Variants in AKT3 observed in about 807,000 individuals in gnomAD.
AKT3 encodes RAC-gamma serine/threonine-protein kinase.
Under a neutral mutation model 65.3 loss-of-function variants are expected in AKT3, and 15 were observed. That is an observed-to-expected ratio of 0.23 (90% CI 0.15 to 0.35). The LOEUF (loss-of-function observed/expected upper bound fraction) is 0.35. AKT3 is among the 10% of genes least tolerant of loss of function. The pLI is 1.00. For synonymous variants in AKT3, 206 were observed against 183.8 expected, an observed-to-expected ratio of 1.12 and a Z score of -0.98; for missense variants, 243 against 576.5, an observed-to-expected ratio of 0.42 and a Z score of 5.92.
At chr1:243,649,297 AAT>A (rs1353326290) in intron 4 of AKT3, among the ~76,000 whole-genome samples, 1 of 145,504 alleles carries the variant, frequency 6.9e-6, no homozygotes, top group African/African-American at 2.5e-5. Context: ...TATGACCAAG[AAT>A]ATGTTATGTG....
chr1:243,551,061 T>C (rs1435809762), intron 11 of AKT3, among the ~76,000 whole-genome samples: 1 of 147,228 alleles, frequency 6.8e-6, no homozygotes, highest in Non-Finnish European at 1.5e-5. Flanking sequence ...AAGAACGCTA[T>C]CAAACGGAAC....
intron 2 of AKT3, among the ~76,000 whole-genome samples, chr1:243,819,061 C>G (rs1693701663): frequency 6.6e-6 from 1 of 152,260 alleles, no homozygotes; most frequent in Admixed American, 6.5e-5. Context: ...GCCACCAGGG[C>G]CTTGCGTGCC....
chr1:243,597,320 A>G (rs965176297), intron 8 of AKT3, among the ~76,000 whole-genome samples: 6 of 152,252 alleles, frequency 3.9e-5, no homozygotes, highest in African/African-American at 1.2e-4. Flanking sequence ...AACAAGTAAC[A>G]TATTTTAAAA....
At chr1:243,807,367 C>T (rs534118597) in intron 2 of AKT3, among the ~76,000 whole-genome samples, 119 of 152,300 alleles carry the variant, frequency 7.8e-4, no homozygotes, top group African/African-American at 1.9e-3. Context: ...ACTTAGCAAA[C>T]GGCACACCAG....
At chr1:243,586,601 T>C (rs1675830620) in intron 8 of AKT3, among the ~76,000 whole-genome samples, 1 of 152,144 alleles carries the variant, frequency 6.6e-6, no homozygotes. Context: ...TGGAGGCCAT[T>C]ATCCGGAGTG....
rs190963124 is a variant in AKT3 at position 243,544,284 on chromosome 1, G to A, written c.1251+1226C>T. The stretch of plus-strand genomic sequence containing the variant: ...AAAAAAGCAGGGGGAGGGGGGGACA[G>A]ACATAATAATTTCCTGCTCCTGAAC... On this transcript the variant is annotated intron_variant, in intron 12 of 13. Transcript: ENST00000673466. Among the ~76,000 whole-genome samples, 294 of 148,842 alleles carry A rather than the reference G, an allele frequency of 2.0e-3. 1 individual carries two copies. Among genetic ancestry groups the A allele is most frequent in the South Asian group, 0.013 (60 of 4,600 alleles).
intron 5 of AKT3, 68 bp from the exon 6 acceptor site, chr1:243,637,810 A>G (rs1230978660): frequency 1.5e-5 from 17 of 1,163,002 alleles, no homozygotes; most frequent in Middle Eastern, 2.8e-4. Flanking sequence ...GCATATATAT[A>G]TGTGTTTGCA....
chr1:243,527,894 C>CACACAAGCAAGACTCCATCTCTTAAA lies in AKT3; in HGVS notation c.1252-15469_1252-15468insTTTAAGAGATGGAGTCTTGCTTGTGT, dbSNP rs1558589973. Among the ~76,000 whole-genome samples the CACACAAGCAAGACTCCATCTCTTAAA allele has an allele frequency of 2.8e-3, 295 of 105,708 alleles. 14 individuals carry two copies. The highest frequency in any genetic ancestry group is 0.01 in the African/African-American group (273 of 26,716). 69.3% of individuals were successfully genotyped at this position (105,708 alleles called of 152,430 possible). On this transcript the variant is annotated intron_variant, in intron 12 of 13. Coordinates refer to ENST00000673466, the MANE Select transcript of AKT3 (RefSeq NM_005465.7). ...AAACACACACACACACACACACACA[C>CACACAAGCAAGACTCCATCTCTTAAA]ACACACACACACACACACACACACA... is the stretch of plus-strand genomic sequence containing the variant.
intron 2 of AKT3, among the ~76,000 whole-genome samples, chr1:243,831,167 T>C (rs1196912149): frequency 6.6e-6 from 1 of 152,194 alleles, no homozygotes; most frequent in Admixed American, 6.5e-5. Flanking sequence ...CACATACTGA[T>C]TAAGAGACTA....
At chr1:243,529,214 G>C (rs1671356074) in intron 12 of AKT3, among the ~76,000 whole-genome samples, 1 of 148,694 alleles carries the variant, frequency 6.7e-6, no homozygotes, top group Non-Finnish European at 1.5e-5. Flanking sequence ...ACCTTTGTCA[G>C]ATGCATAGTT....
At chr1:243,634,076 A>G (rs1679801796) in intron 6 of AKT3, among the ~76,000 whole-genome samples, 1 of 152,108 alleles carries the variant, frequency 6.6e-6, no homozygotes, top group Admixed American at 6.5e-5. Flanking sequence ...CCCTGCAGAT[A>G]ACAAAATCCA....
intron 9 of AKT3, among the ~76,000 whole-genome samples, chr1:243,569,371 T>C (rs963803090): frequency 1.3e-5 from 2 of 152,326 alleles, no homozygotes; most frequent in African/African-American, 4.8e-5. Context: ...ACAATTTTAT[T>C]TTAGAAGTGG....
At chr1:243,819,779 C>T (rs1693746088) in intron 2 of AKT3, among the ~76,000 whole-genome samples, 1 of 152,220 alleles carries the variant, frequency 6.6e-6, no homozygotes, top group Non-Finnish European at 1.5e-5. Flanking sequence ...GGACAGAAAT[C>T]ACAGAGGAAG....
At chr1:243,635,647 G>C (rs901139637) in intron 6 of AKT3, among the ~76,000 whole-genome samples, 2 of 151,840 alleles carry the variant, frequency 1.3e-5, no homozygotes, top group African/African-American at 4.8e-5. Context: ...AGAAAAAATA[G>C]GTTATTTATA....
intron 2 of AKT3, among the ~76,000 whole-genome samples, chr1:243,700,294 G>A (rs547635837): frequency 6.6e-6 from 1 of 152,146 alleles, no homozygotes; most frequent in East Asian, 1.9e-4. Flanking sequence ...GAGGGTGGAA[G>A]AAACTGTTTG....
At chr1:243,829,252 A>G (rs891832116) in intron 2 of AKT3, among the ~76,000 whole-genome samples, 9 of 152,172 alleles carry the variant, frequency 5.9e-5, no homozygotes, top group African/African-American at 2.2e-4. Flanking sequence ...ACGATACCCT[A>G]TATATTTACT....
intron 1 of AKT3, 38 bp downstream of exon 1, chr1:243,850,002 G>A (rs1695697678): frequency 1.0e-6 from 1 of 983,792 alleles, no homozygotes; most frequent in South Asian, 4.5e-5. Context: ...TGGAGGCCAG[G>A]CGGGGAGGGG....
intron 6 of AKT3, among the ~76,000 whole-genome samples, chr1:243,624,209 T>C (rs575998815): frequency 6.6e-6 from 1 of 152,178 alleles, no homozygotes; most frequent in Non-Finnish European, 1.5e-5. Context: ...CAGTCACCAA[T>C]GGCATGAGAC....
At chr1:243,618,714 A>G (rs1678519207) in intron 6 of AKT3, among the ~76,000 whole-genome samples, 1 of 152,094 alleles carries the variant, frequency 6.6e-6, no homozygotes, top group African/African-American at 2.4e-5. Flanking sequence ...ATGGGATTTT[A>G]TTTCTTCAGG....
Sources: allele counts gnomAD v4.1 joint callset (sites outside exome capture counted in the v4.1 genomes callset), GRCh38; gene constraint gnomAD v4.1.1; transcripts MANE v1.5; gene names NCBI Gene and HGNC (gene_info 2026-07-23, HGNC 2026-07-21).